Variants in PTPRT observed in about 807,000 individuals in gnomAD.
The protein encoded by PTPRT is protein tyrosine phosphatase receptor type T.
In PTPRT, 56 loss-of-function variants were observed where a neutral mutation model predicts 176.8. That is an observed-to-expected ratio of 0.32 (90% CI 0.26 to 0.40). The LOEUF is 0.40. PTPRT is among the 10% of genes least tolerant of loss of function. The pLI, the probability that PTPRT is intolerant of heterozygous loss-of-function variation, is 1.00. For missense variants in PTPRT, 1,540 were observed against 1,908.2 expected (o/e 0.81, Z 3.60); for synonymous variants, 783 against 739.0 (o/e 1.06, Z -0.96).
intron 17 of PTPRT, among the ~76,000 whole-genome samples, chr20:42,160,130 A>G (rs1234082565): frequency 6.6e-6 from 1 of 151,982 alleles, no homozygotes; most frequent in African/African-American, 2.4e-5. Context: ...CACACGCTGC[A>G]TGTGAAGAAA....
chr20:42,318,255 T>C (rs1374240142), intron 11 of PTPRT, among the ~76,000 whole-genome samples: 1 of 152,204 alleles, frequency 6.6e-6, no homozygotes, highest in African/African-American at 2.4e-5. Context: ...ACAATTCCTA[T>C]GTTTATCAGG....
At chr20:42,707,472 G>A (rs923933194) in intron 6 of PTPRT, among the ~76,000 whole-genome samples, 2 of 152,204 alleles carry the variant, frequency 1.3e-5, no homozygotes, top group Admixed American at 6.5e-5. Context: ...TGGCGAAAGA[G>A]ATGTGTGGTG....
chr20:42,949,628 A>T (rs1191189011), intron 1 of PTPRT, among the ~76,000 whole-genome samples: 1 of 152,208 alleles, frequency 6.6e-6, no homozygotes, highest in Non-Finnish European at 1.5e-5. Flanking sequence ...GAGTGGAGAC[A>T]AACTTTTCCA....
chr20:43,056,315 T>G (rs1180418658), intron 1 of PTPRT, among the ~76,000 whole-genome samples: 1 of 152,166 alleles, frequency 6.6e-6, no homozygotes, highest in African/African-American at 2.4e-5. Flanking sequence ...TCCCACTACC[T>G]TGCAGCTGAG....
chr20:42,905,452 C>A (rs915560458), intron 1 of PTPRT, among the ~76,000 whole-genome samples: 1 of 152,216 alleles, frequency 6.6e-6, no homozygotes, highest in Non-Finnish European at 1.5e-5. Context: ...AATAGGAACA[C>A]TTTTACACTG....
intron 7 of PTPRT, among the ~76,000 whole-genome samples, chr20:42,485,146 T>A (rs1034163009): frequency 3.3e-5 from 5 of 152,128 alleles, no homozygotes; most frequent in African/African-American, 9.7e-5. Context: ...GGAAATCGGG[T>A]TGGGAAAAGA....
intron 1 of PTPRT, among the ~76,000 whole-genome samples, chr20:43,069,451 G>A (rs1003058962): frequency 5.8e-4 from 89 of 152,230 alleles, no homozygotes; most frequent in African/African-American, 2.1e-3. Context: ...CTTAGAAACA[G>A]AATGAATCCA....
chr20:43,047,822 T>C (rs1388517396), intron 1 of PTPRT, among the ~76,000 whole-genome samples: 1 of 152,218 alleles, frequency 6.6e-6, no homozygotes, highest in East Asian at 1.9e-4. Flanking sequence ...CTCCATAAAA[T>C]AGGGGTTCTT....
intron 7 of PTPRT, among the ~76,000 whole-genome samples, chr20:42,550,237 C>A (rs1022431895): frequency 3.9e-5 from 6 of 152,182 alleles, no homozygotes; most frequent in Admixed American, 1.3e-4. Context: ...CAGTGAGAGC[C>A]TGCCATTAAA....
At chr20:42,483,041 C>G (rs1019478802) in intron 7 of PTPRT, among the ~76,000 whole-genome samples, 1 of 152,124 alleles carries the variant, frequency 6.6e-6, no homozygotes, top group African/African-American at 2.4e-5. Context: ...GAAGGAAACA[C>G]AAGGGATCGA....
At chr20:43,145,731 C>T (rs142023080) in intron 1 of PTPRT, among the ~76,000 whole-genome samples, 1 of 152,346 alleles carries the variant, frequency 6.6e-6, no homozygotes, top group African/African-American at 2.4e-5. Flanking sequence ...GAGCCTTCTC[C>T]AGCTCTCCAA....
Position 42,200,701 on chromosome 20 carries a change from T to C in PTPRT, c.2343-1313A>G, listed in dbSNP as rs118082854. On this transcript the variant is annotated intron_variant, in intron 15 of 30. Transcript: ENST00000373187. ...TTCAAATATTTCGAAAAAGCGAACATGGTCCCTCTTTTTCCAACATATATG... is the reference window on the plus strand; with the variant it reads ...TTCAAATATTTCGAAAAAGCGAACACGGTCCCTCTTTTTCCAACATATATG... Among the ~76,000 whole-genome samples the C allele has an allele frequency of 1.1e-4, 17 of 152,312 alleles. No individual in the cohort carries two copies. In the East Asian group the frequency reaches 3.1e-3, roughly 28 times the overall value.
chr20:42,884,519 G>A (rs936969296), intron 2 of PTPRT, among the ~76,000 whole-genome samples: 1 of 152,154 alleles, frequency 6.6e-6, no homozygotes, highest in South Asian at 2.1e-4. Flanking sequence ...TGGGCAGTGG[G>A]TTGTGTAGGT....
At chr20:42,927,391 G>A (rs946576653) in intron 1 of PTPRT, among the ~76,000 whole-genome samples, 4 of 152,092 alleles carry the variant, frequency 2.6e-5, no homozygotes, top group African/African-American at 7.2e-5. Flanking sequence ...GTGAAACCCC[G>A]TCTCTACTAA....
Position 42,098,696 on chromosome 20 carries a change from C to T in PTPRT, c.3715-144G>A, listed in dbSNP as rs6029971. Reference sequence around the variant, plus strand: ...ACCTGCCTGTTCTTTTATCTCTCCACGCCCTGGCGGCAAAGGGGACCTTCT... The same window carrying T: ...ACCTGCCTGTTCTTTTATCTCTCCATGCCCTGGCGGCAAAGGGGACCTTCT... On this transcript the variant is annotated intron_variant, in intron 26 of 30. Transcript: ENST00000373187. The T allele has an allele frequency of 5.7e-3, 6,202 of 1,091,028 alleles. 221 individuals carry two copies. The African/African-American group carries it at 0.079, about 14-fold the overall frequency. 67.6% of individuals were successfully genotyped at this position (1,091,028 alleles called of 1,614,324 possible).
intron 4 of PTPRT, among the ~76,000 whole-genome samples, chr20:42,778,552 C>G (rs1301460064): frequency 6.6e-6 from 1 of 152,136 alleles, no homozygotes; most frequent in Non-Finnish European, 1.5e-5. Context: ...GGGATGTAGG[C>G]AGGGAATGAG....
intron 1 of PTPRT, among the ~76,000 whole-genome samples, chr20:43,150,363 C>A (rs2014311004): frequency 6.6e-6 from 1 of 152,242 alleles, no homozygotes; most frequent in African/African-American, 2.4e-5. Flanking sequence ...CCACCTAATA[C>A]TCAGCCAGCT....
intron 8 of PTPRT, among the ~76,000 whole-genome samples, chr20:42,462,665 G>T (rs1429865211): frequency 6.6e-6 from 1 of 152,094 alleles, no homozygotes; most frequent in African/African-American, 2.4e-5. Context: ...GGGGTTAGAG[G>T]TTATTTAAAA....
chr20:42,231,511 C>T (rs2056134806), intron 15 of PTPRT, among the ~76,000 whole-genome samples: 1 of 152,144 alleles, frequency 6.6e-6, no homozygotes, highest in African/African-American at 2.4e-5. Flanking sequence ...TCAACTTCTG[C>T]CCTTTTGTAG....
Sources: allele counts gnomAD v4.1 joint callset (sites outside exome capture counted in the v4.1 genomes callset), GRCh38; gene constraint gnomAD v4.1.1; transcripts MANE v1.5; gene names NCBI Gene and HGNC (gene_info 2026-07-23, HGNC 2026-07-21).